The following EXOC4 variants were observed in gnomAD, a reference collection of about 807,000 sequenced individuals.
EXOC4 encodes exocyst complex component 4, also known as SEC8-like 1.
In EXOC4, 71 loss-of-function variants were observed where a neutral mutation model predicts 107.2. That is an observed-to-expected ratio of 0.66 (90% CI 0.55 to 0.81). EXOC4 has a LOEUF of 0.81. EXOC4 is among the 30% of genes least tolerant of loss of function. EXOC4 has a pLI of 0.00. For synonymous variants in EXOC4, 456 were observed against 441.2 expected, an observed-to-expected ratio of 1.03 and a Z score of -0.42; for missense variants, 1,108 against 1,189.6, an observed-to-expected ratio of 0.93 and a Z score of 1.01.
intron 7 of EXOC4, among the ~76,000 whole-genome samples, chr7:133,454,869 C>T (rs759957219): frequency 1.3e-5 from 2 of 152,090 alleles, no homozygotes; most frequent in African/African-American, 4.8e-5. Context: ...GATGCCGAGG[C>T]AGGTGGATCA....
chr7:133,950,940 C>T (rs1800675237), intron 14 of EXOC4, among the ~76,000 whole-genome samples: 1 of 152,236 alleles, frequency 6.6e-6, no homozygotes, highest in African/African-American at 2.4e-5. Flanking sequence ...TTCAAGCCAA[C>T]AGCCTTTTAG....
intron 9 of EXOC4, among the ~76,000 whole-genome samples, chr7:133,613,664 G>A (rs1802124134): frequency 6.6e-6 from 1 of 152,024 alleles, no homozygotes; most frequent in Admixed American, 6.6e-5. Context: ...CTGCAGCTGT[G>A]GTTTCTTGCC....
At chr7:134,018,286 A>G (rs748864780) in intron 17 of EXOC4, among the ~76,000 whole-genome samples, 2 of 152,184 alleles carry the variant, frequency 1.3e-5, no homozygotes, top group Non-Finnish European at 2.9e-5. Context: ...ATAAAGATGT[A>G]GTGTTTAAAT....
rs1304970484 is a variant in EXOC4, at chr7:133,871,202, G to A, written c.1735-24397G>A. ...AGCAGAGTTATTATACCTTATTACTGTTTGTGTTGCTTTTCATCTCTTCCC... is the reference window on the plus strand; with the variant it reads ...AGCAGAGTTATTATACCTTATTACTATTTGTGTTGCTTTTCATCTCTTCCC... On this transcript the variant is annotated intron_variant, in intron 11 of 17. Transcript: ENST00000253861. Among the ~76,000 whole-genome samples, 3 of 151,672 alleles carry A rather than the reference G, an allele frequency of 2.0e-5. No homozygotes were observed. The South Asian group carries it at 6.2e-4, about 32-fold the overall frequency.
intron 10 of EXOC4, among the ~76,000 whole-genome samples, chr7:133,735,809 C>T (rs182130344): frequency 5.3e-5 from 8 of 152,178 alleles, no homozygotes; most frequent in African/African-American, 9.6e-5. Flanking sequence ...TTTACTTCCC[C>T]GGCATGGTGG....
At chr7:133,264,841 T>C (rs1793685393) in intron 1 of EXOC4, among the ~76,000 whole-genome samples, 1 of 152,194 alleles carries the variant, frequency 6.6e-6, no homozygotes, top group Admixed American at 6.5e-5. Context: ...TAACTATCTC[T>C]TTTCCTCTTC....
chr7:133,578,214 T>C (rs1801174940), intron 9 of EXOC4, among the ~76,000 whole-genome samples: 1 of 152,172 alleles, frequency 6.6e-6, no homozygotes, highest in Non-Finnish European at 1.5e-5. Context: ...CCCTTTTAAA[T>C]CAGTTTCACC....
intron 10 of EXOC4, among the ~76,000 whole-genome samples, chr7:133,814,295 T>A (rs909275002): frequency 6.6e-6 from 1 of 152,208 alleles, no homozygotes; most frequent in African/African-American, 2.4e-5. Flanking sequence ...GCTTGCTTTT[T>A]TTCCTTGTAA....
At chr7:133,429,400 A>G (rs1797802165) in intron 7 of EXOC4, among the ~76,000 whole-genome samples, 1 of 152,154 alleles carries the variant, frequency 6.6e-6, no homozygotes, top group Non-Finnish European at 1.5e-5. Flanking sequence ...TAGGACCTAA[A>G]TTTTTTCCAT....
chr7:133,729,205 C>A (rs1000411112), intron 10 of EXOC4, among the ~76,000 whole-genome samples: 1 of 151,988 alleles, frequency 6.6e-6, no homozygotes, highest in Admixed American at 6.6e-5. Flanking sequence ...AATTTAGTTG[C>A]GAACTAAAAA....
chr7:133,697,834 T>C (rs1398388553), intron 10 of EXOC4, among the ~76,000 whole-genome samples: 1 of 152,180 alleles, frequency 6.6e-6, no homozygotes, highest in Non-Finnish European at 1.5e-5. Context: ...TTATCCACGG[T>C]GGTCAGATAC....
chr7:133,943,749 T>G (rs1800485894), intron 14 of EXOC4, among the ~76,000 whole-genome samples: 2 of 149,854 alleles, frequency 1.3e-5, no homozygotes, highest in East Asian at 3.9e-4. Flanking sequence ...ATTTGGTTAT[T>G]TGATTATTTG....
chr7:133,585,639 A>AG (rs1801385375), intron 9 of EXOC4, among the ~76,000 whole-genome samples: 1 of 152,030 alleles, frequency 6.6e-6, no homozygotes, highest in South Asian at 2.1e-4. Context: ...AAAAAAAAAA[A>AG]GTAGCTGTCA....
At chr7:133,403,871 GA>G (rs1417469585) in intron 7 of EXOC4, among the ~76,000 whole-genome samples, 1 of 152,062 alleles carries the variant, frequency 6.6e-6, no homozygotes, top group Non-Finnish European at 1.5e-5. Context: ...TTTGCCGTCA[GA>G]AAAGTCCCAC....
At chr7:133,357,245 A>T (rs952970244) in intron 6 of EXOC4, among the ~76,000 whole-genome samples, 18 of 152,240 alleles carry the variant, frequency 1.2e-4, no homozygotes, top group African/African-American at 4.1e-4. Context: ...ATCTCACTTA[A>T]TTATCACTAC....
chr7:134,074,991 A>G, the EXOC4 span, among the ~76,000 whole-genome samples: 49 of 152,300 alleles, frequency 3.2e-4, 1 homozygote, highest in Middle Eastern at 3.4e-3. Context: ...CAGTTTGTCA[A>G]CCTCCACAGT....
Position 133,327,175 on chromosome 7 carries a change from C to T in EXOC4, c.763+9785C>T, listed in dbSNP as rs117657608. ...GCTTCCCGAGTGAGGCGATGCTTCG[C>T]CCTGCTTCAGCTCACGCTTGGTGGG... On this transcript the variant is annotated intron_variant, in intron 5 of 17. Transcript: ENST00000253861. Among the ~76,000 whole-genome samples the T allele has an allele frequency of 1.4e-3, 217 of 152,330 alleles. 7 individuals are homozygous for T. The East Asian group carries it at 0.035, about 25-fold the overall frequency.
intron 17 of EXOC4, among the ~76,000 whole-genome samples, chr7:134,054,317 G>A (rs111495822): frequency 1.2e-4 from 18 of 152,242 alleles, no homozygotes; most frequent in Middle Eastern, 3.4e-3. Context: ...TCGCCACCCA[G>A]TGACCATTCA....
Position 133,783,288 on chromosome 7 carries a change from C to T in EXOC4, c.1515-34037C>T, listed in dbSNP as rs1214891769. Among the ~76,000 whole-genome samples, 8 of 152,116 alleles carry T rather than the reference C, an allele frequency of 5.3e-5. 2 individuals are homozygous for T. In the South Asian group the frequency reaches 1.0e-3, roughly 20 times the overall value. Reference sequence around the variant, plus strand: ...AGCATCCTTAAGTTTCATTGTTGCCCGTGTTGCCAAGGCCAGCTGTAGTTG... The same window carrying T: ...AGCATCCTTAAGTTTCATTGTTGCCTGTGTTGCCAAGGCCAGCTGTAGTTG... On this transcript the variant is annotated intron_variant, in intron 10 of 17. Transcript: ENST00000253861.
Sources: allele counts gnomAD v4.1 joint callset (sites outside exome capture counted in the v4.1 genomes callset), GRCh38; gene constraint gnomAD v4.1.1; transcripts MANE v1.5; gene names NCBI Gene and HGNC (gene_info 2026-07-23, HGNC 2026-07-21).